The following GRID2 variants were observed in gnomAD, a reference collection of about 807,000 sequenced individuals.
GRID2 encodes the protein glutamate receptor ionotropic, delta-2.
In GRID2, 33 loss-of-function variants were observed where a neutral mutation model predicts 114.8. The observed-to-expected ratio is 0.29, with a 90% CI of 0.22 to 0.38. The LOEUF is 0.38. GRID2 is among the 10% of genes least tolerant of loss of function. The pLI is 1.00. For missense variants in GRID2, 1,184 were observed against 1,257.7 expected, an observed-to-expected ratio of 0.94 and a Z score of 0.89; for synonymous variants, 505 against 449.9, an observed-to-expected ratio of 1.12 and a Z score of -1.55.
rs1450154666 is a variant in GRID2, at chr4:93,626,360, G to T, written c.2285G>T (p.Gly762Val). 3.1e-6 allele frequency: 5 copies of T among 1,607,780 alleles called. No individual in the cohort carries two copies. In the South Asian group the frequency reaches 5.5e-5, roughly 18 times the overall value. ...CCAGATTGTTCCTTTTACACCATTG[G>T]AAATACTGTTGCTGATCGGGGATAT... is the stretch of plus-strand genomic sequence containing the variant. ...NDPDCSFYTI[G>V]NTVADRGYGI... Residue 762 changes from glycine (G) to valine (V), a missense_variant, in exon 14 of 16, where the codon GGA becomes GTA. Gly to Val is a moderately radical substitution (Grantham distance 109, BLOSUM62 -3). Around this residue, in one of 3 missense-constraint regions of GRID2, gnomAD observed 717 missense variants for 796.9 expected, o/e 0.90. Transcript: ENST00000282020.
At chr4:93,587,587 G>T (rs892119159) in intron 13 of GRID2, among the ~76,000 whole-genome samples, 1 of 151,714 alleles carries the variant, frequency 6.6e-6, no homozygotes, top group Non-Finnish European at 1.5e-5. Flanking sequence ...TCTATCCATG[G>T]CCTCATTTTA....
intron 1 of GRID2, among the ~76,000 whole-genome samples, chr4:92,390,450 C>A (rs556457393): frequency 6.6e-6 from 1 of 152,226 alleles, no homozygotes; most frequent in African/African-American, 2.4e-5. Flanking sequence ...CTCCCTTGGT[C>A]CAACCACATC....
At chr4:92,542,646 G>A (rs987486520) in intron 1 of GRID2, among the ~76,000 whole-genome samples, 2 of 151,672 alleles carry the variant, frequency 1.3e-5, no homozygotes, top group Admixed American at 1.3e-4. Flanking sequence ...TGGAAGGGAG[G>A]TGAGGGATAA....
chr4:92,609,953 T>C (rs548946588), intron 2 of GRID2, among the ~76,000 whole-genome samples: 1 of 151,768 alleles, frequency 6.6e-6, no homozygotes, highest in Non-Finnish European at 1.5e-5. Context: ...ATCACTATTA[T>C]CTGTTACCAT....
chr4:92,717,690 G>GTTATTAAAATAT (rs1735615926), intron 2 of GRID2, among the ~76,000 whole-genome samples: 1 of 152,136 alleles, frequency 6.6e-6, no homozygotes, highest in African/African-American at 2.4e-5. Flanking sequence ...AGAATATGCA[G>GTTATTAAAATAT]TTGTCATTAA....
chr4:93,049,036 G>A (rs1017347901), intron 2 of GRID2, among the ~76,000 whole-genome samples: 1 of 151,890 alleles, frequency 6.6e-6, no homozygotes, highest in Admixed American at 6.6e-5. Flanking sequence ...TCATCTGGGT[G>A]AATATGTCCA....
At chr4:93,204,447 T>C (rs1036474115) in intron 4 of GRID2, among the ~76,000 whole-genome samples, 3 of 152,182 alleles carry the variant, frequency 2.0e-5, no homozygotes, top group African/African-American at 7.2e-5. Context: ...TAATGTTTGC[T>C]TGTAACAAAT....
intron 14 of GRID2, among the ~76,000 whole-genome samples, chr4:93,696,630 T>C (rs1727044088): frequency 6.6e-6 from 1 of 152,226 alleles, no homozygotes; most frequent in South Asian, 2.1e-4. Flanking sequence ...TGTATTGTTT[T>C]AAAGCATTAG....
intron 12 of GRID2, among the ~76,000 whole-genome samples, chr4:93,497,314 G>A (rs1051147719): frequency 6.6e-6 from 1 of 151,648 alleles, no homozygotes; most frequent in African/African-American, 2.4e-5. Flanking sequence ...TCTGTAGCTT[G>A]TATTTTCATC....
Position 93,706,981 on chromosome 4 carries a change from G to A in GRID2, c.2361-62229G>A, listed in dbSNP as rs148808813. Among the ~76,000 whole-genome samples, 77 of 151,936 alleles carry A rather than the reference G, an allele frequency of 5.1e-4. 1 individual carries two copies. Among genetic ancestry groups the A allele is most frequent in the African/African-American group, 1.3e-3 (55 of 41,452 alleles). ...AAATATCATATGATTTTTCTCCTTC[G>A]TTCTGTTAATATGATGTATCACATT... On this transcript the variant is annotated intron_variant, in intron 14 of 15. Coordinates refer to ENST00000282020, the MANE Select transcript of GRID2 (RefSeq NM_001510.4).
Position 93,649,420 on chromosome 4 carries a change from T to G in GRID2, c.2360+22985T>G, listed in dbSNP as rs935992919. 2.0e-5 allele frequency among the ~76,000 whole-genome samples: 3 copies of G among 152,328 alleles called. No homozygotes were observed. In the South Asian group the frequency reaches 6.2e-4, roughly 32 times the overall value. ...TTTTCTTTTATTAACATAATAATTA[T>G]TTGACAATAAAAACTTTGCCTTTTA... is the stretch of plus-strand genomic sequence containing the variant. On this transcript the variant is annotated intron_variant, in intron 14 of 15. Coordinates refer to ENST00000282020, the MANE Select transcript of GRID2 (RefSeq NM_001510.4).
chr4:92,722,029 A>G (rs1735831253), intron 2 of GRID2, among the ~76,000 whole-genome samples: 1 of 152,166 alleles, frequency 6.6e-6, no homozygotes, highest in Non-Finnish European at 1.5e-5. Context: ...GACTCCCAGA[A>G]TGAAAGGTGG....
chr4:92,606,631 A>G (rs992941961), intron 2 of GRID2, among the ~76,000 whole-genome samples: 1 of 151,918 alleles, frequency 6.6e-6, no homozygotes, highest in African/African-American at 2.4e-5. Flanking sequence ...TGGAACTGGT[A>G]CCACCTCACT....
chr4:93,190,466 C>T (rs1008080726), intron 4 of GRID2, among the ~76,000 whole-genome samples: 4 of 152,110 alleles, frequency 2.6e-5, no homozygotes, highest in Non-Finnish European at 5.9e-5. Flanking sequence ...GGTGAACCAC[C>T]TGACAATTTC....
chr4:92,629,889 A>C (rs1309142030), intron 2 of GRID2, among the ~76,000 whole-genome samples: 1 of 147,650 alleles, frequency 6.8e-6, no homozygotes, highest in Non-Finnish European at 1.5e-5. Flanking sequence ...TAATTATATT[A>C]TATAATACAT....
intron 14 of GRID2, among the ~76,000 whole-genome samples, chr4:93,701,451 A>T (rs1727499989): frequency 6.6e-6 from 1 of 152,184 alleles, no homozygotes; most frequent in Admixed American, 6.6e-5. Context: ...TTTCTCTTCT[A>T]AAAATTAGTA....
intron 2 of GRID2, among the ~76,000 whole-genome samples, chr4:92,994,740 G>A (rs1341477711): frequency 1.3e-5 from 2 of 152,110 alleles, no homozygotes; most frequent in Admixed American, 6.6e-5. Flanking sequence ...GTTGATGAAA[G>A]GCCATGTTTT....
chr4:93,519,867 T>C (rs1345757418), intron 13 of GRID2, among the ~76,000 whole-genome samples: 1 of 151,976 alleles, frequency 6.6e-6, no homozygotes. Flanking sequence ...AAGAGCAATA[T>C]GGGGAAAGGG....
intron 2 of GRID2, among the ~76,000 whole-genome samples, chr4:92,755,075 A>G (rs1285110745): frequency 6.6e-6 from 1 of 152,148 alleles, no homozygotes; most frequent in Non-Finnish European, 1.5e-5. Context: ...GTGTCTAAAG[A>G]CAGTCCATGA....
Sources: allele counts gnomAD v4.1 joint callset (sites outside exome capture counted in the v4.1 genomes callset), GRCh38; gene constraint gnomAD v4.1.1; regional missense constraint gnomAD v4.1.1; transcripts MANE v1.5; gene names NCBI Gene and HGNC (gene_info 2026-07-23, HGNC 2026-07-21).